MAP3K14: variants seen among roughly 807,000 people sequenced by gnomAD.
MAP3K14 encodes mitogen-activated protein kinase kinase kinase 14.
In MAP3K14, 16 loss-of-function variants were observed where a neutral mutation model predicts 99.2. The observed-to-expected ratio is 0.16, with a 90% confidence interval of 0.11 to 0.24. The LOEUF (loss-of-function observed/expected upper bound fraction) is 0.24, where lower values mean the gene tolerates loss of function less well. Among genes scored for constraint, MAP3K14 ranks in the 10% least tolerant of loss-of-function variants. The pLI, the probability that MAP3K14 is intolerant of heterozygous loss-of-function variation, is 1.00. For synonymous variants in MAP3K14, 462 were observed against 492.4 expected, an observed-to-expected ratio of 0.94 and a Z score of 0.82; for missense variants, 784 against 1,208.7, an observed-to-expected ratio of 0.65 and a Z score of 5.21.
intron 3 of MAP3K14, among the ~76,000 whole-genome samples, chr17:45,287,775 G>C (rs1008851371): frequency 2.6e-5 from 4 of 152,152 alleles, no homozygotes; most frequent in Non-Finnish European, 5.9e-5. Flanking sequence ...TTCCTAGGAG[G>C]GGGCCACGCT....
intron 15 of MAP3K14, 148 bp from the exon 16 acceptor site, chr17:45,264,948 C>G (rs573833618): frequency 2.2e-6 from 2 of 920,636 alleles, no homozygotes; most frequent in Non-Finnish European, 3.3e-6. Flanking sequence ...TCCCACCCGG[C>G]TCAAGTGTAG....
chr17:45,316,075 G>A (rs997320561), intron 1 of MAP3K14, among the ~76,000 whole-genome samples: 1 of 152,132 alleles, frequency 6.6e-6, no homozygotes, highest in Admixed American at 6.5e-5. Flanking sequence ...TGTCTCCAGC[G>A]ATCAAAAGTA....
At chr17:45,293,025 G>T (rs767709549) in intron 1 of MAP3K14, among the ~76,000 whole-genome samples, 2 of 152,202 alleles carry the variant, frequency 1.3e-5, no homozygotes, top group Non-Finnish European at 2.9e-5. Context: ...TGGTCAACAG[G>T]CTCCTGAGGG....
intron 3 of MAP3K14, 106 bp from the exon 4 acceptor site, chr17:45,287,470 G>T: frequency 1.1e-6 from 1 of 939,144 alleles, no homozygotes; most frequent in Non-Finnish European, 1.6e-6. Flanking sequence ...TCAAATCCCA[G>T]GTTGCCATTC....
intron 1 of MAP3K14, among the ~76,000 whole-genome samples, chr17:45,308,528 AGG>A (rs2044447235): frequency 6.6e-6 from 1 of 152,142 alleles, no homozygotes; most frequent in Non-Finnish European, 1.5e-5. Context: ...TTTTGAGAAG[AGG>A]ACTTGTTCTG....
intron 11 of MAP3K14, 33 bp downstream of exon 11, chr17:45,270,380 C>T: frequency 1.3e-6 from 2 of 1,598,398 alleles, no homozygotes; most frequent in Non-Finnish European, 1.7e-6. Flanking sequence ...TGTCTTCTGC[C>T]CCCCGGGTCA....
At chr17:45,282,171 A>G (rs974495471) in intron 6 of MAP3K14, 2 of 151,718 alleles carry the variant, frequency 1.3e-5, no homozygotes, top group African/African-American at 4.8e-5. Flanking sequence ...TCTTGGCCTC[A>G]AGCAATCCTC....
intron 1 of MAP3K14, among the ~76,000 whole-genome samples, chr17:45,301,181 A>G (rs1167120239): frequency 2.0e-5 from 3 of 150,540 alleles, no homozygotes; most frequent in Non-Finnish European, 4.4e-5. Flanking sequence ...AAAAAAAAAA[A>G]AGCCGGGTGC....
Position 45,267,723 on chromosome 17 carries a change from T to A in MAP3K14, c.2009A>T (p.Lys670Ile), listed in dbSNP as rs775435880. 6.2e-7 allele frequency: 1 copy of A among 1,613,164 alleles called. No individual in the cohort carries two copies. Among genetic ancestry groups the A allele is most frequent in the Non-Finnish European group, 8.5e-7 (1 of 1,179,816 alleles). Residue 670 changes from lysine to isoleucine, a missense_variant, in exon 12 of 16, where the codon AAA (lysine) becomes ATA (isoleucine). Physicochemically the swap from Lys to Ile is moderately radical, Grantham distance 102 (BLOSUM62 -3). Coordinates refer to ENST00000344686, the MANE Select transcript of MAP3K14 (RefSeq NM_003954.5). This position sits in a 1 kb window ranked among gnomAD's most constrained non-coding sequence, Gnocchi z 5.1. ...GLKSPWRGEY[K>I]EPRHPPPNQA... ...ATTTGGCGGTGGATGTCTTGGTTCTTTATATTCTCCCCTCCAAGGGCTCTT... is the reference window on the plus strand; with the variant it reads ...ATTTGGCGGTGGATGTCTTGGTTCTATATATTCTCCCCTCCAAGGGCTCTT...
At chr17:45,298,212 A>G (rs2044360552) in intron 1 of MAP3K14, among the ~76,000 whole-genome samples, 1 of 152,252 alleles carries the variant, frequency 6.6e-6, no homozygotes, top group African/African-American at 2.4e-5. Context: ...CTAAAATAAT[A>G]GAAATACAAT....
intron 6 of MAP3K14, among the ~76,000 whole-genome samples, chr17:45,275,921 C>T (rs1567990559): frequency 1.3e-5 from 2 of 151,754 alleles, no homozygotes; most frequent in Admixed American, 1.3e-4. Context: ...GCCACCAGGC[C>T]CAGATAATTT....
intron 1 of MAP3K14, among the ~76,000 whole-genome samples, chr17:45,296,033 T>C (rs1291723782): frequency 2.0e-5 from 3 of 152,198 alleles, no homozygotes; most frequent in Admixed American, 2.0e-4. Flanking sequence ...CCAAGGCAAA[T>C]CCCTCTCATG....
chr17:45,305,078 T>A (rs1302678912), intron 1 of MAP3K14, among the ~76,000 whole-genome samples: 1 of 152,076 alleles, frequency 6.6e-6, no homozygotes, highest in East Asian at 1.9e-4. Flanking sequence ...GTGTAAGATT[T>A]TTTTTGGTTT....
chr17:45,316,797 TG>T (rs1016212819), intron 1 of MAP3K14, among the ~76,000 whole-genome samples, 162 bp downstream of exon 1: 4 of 151,428 alleles, frequency 2.6e-5, no homozygotes, highest in Non-Finnish European at 5.9e-5. Context: ...CCGCTGCGAG[TG>T]GGTTGGACGG....
At chr17:45,283,195 C>A (rs1023522499) in intron 6 of MAP3K14, among the ~76,000 whole-genome samples, 3 of 152,180 alleles carry the variant, frequency 2.0e-5, no homozygotes, top group African/African-American at 7.2e-5. Flanking sequence ...GCACTGGGTG[C>A]GCGTCTCTTC....
At chr17:45,282,420 T>C (rs1173495019) in intron 6 of MAP3K14, among the ~76,000 whole-genome samples, 3 of 150,870 alleles carry the variant, frequency 2.0e-5, no homozygotes, top group African/African-American at 7.3e-5. Flanking sequence ...CTGGGTGTGG[T>C]GGTGCGTGCC....
Position 45,290,635 on chromosome 17 carries a change from GCT to G in MAP3K14, c.109_110del (p.Ser37LeufsTer6). ...EKTPPLGKKQ[S>X]SVYKLEAVEK... is the part of the protein sequence containing the mutation. Reference sequence around the variant, plus strand: ...CCACGGCCTCAAGCTTGTAGACGGAGCTCTGTTTCTTCCCCAGTGGCGGCGTC... The same window carrying G: ...CCACGGCCTCAAGCTTGTAGACGGAGCTGTTTCTTCCCCAGTGGCGGCGTC... On this transcript the variant is annotated frameshift_variant, in exon 2 of 16. Transcript: ENST00000344686. LOFTEE classifies it high-confidence loss of function. 1 of 1,613,664 alleles carries G rather than the reference GCT, an allele frequency of 6.2e-7. No homozygotes were observed. The highest frequency in any genetic ancestry group is 8.5e-7 in the Non-Finnish European group (1 of 1,179,836).
At position 45,272,783 on chromosome 17, in the gene MAP3K14, T is replaced by A. The variant is rs1468603219; in HGVS notation, c.1657+720A>T. Among the ~76,000 whole-genome samples, 2 of 151,958 alleles carry A rather than the reference T, an allele frequency of 1.3e-5. No individual in the cohort carries two copies. The highest frequency in any genetic ancestry group is 2.9e-5 in the Non-Finnish European group (2 of 67,972). ...GGCAAAACCCCGTCCCTACTAAAAA[T>A]ACAAAAATTAGCTGGGCATGGTGGA... On this transcript the variant is annotated intron_variant, in intron 9 of 15. Coordinates refer to ENST00000344686, the MANE Select transcript of MAP3K14 (RefSeq NM_003954.5). This position sits in a 1 kb window ranked among gnomAD's most constrained non-coding sequence, Gnocchi z 4.1.
intron 1 of MAP3K14, among the ~76,000 whole-genome samples, chr17:45,294,404 G>C (rs1488804686): frequency 6.6e-6 from 1 of 152,232 alleles, no homozygotes. Context: ...GGGCATAGCT[G>C]TATGAGGAGT....
Sources: allele counts gnomAD v4.1 joint callset (sites outside exome capture counted in the v4.1 genomes callset), GRCh38; gene constraint gnomAD v4.1.1; non-coding constraint Gnocchi (gnomAD v3.1); transcripts MANE v1.5; gene names NCBI Gene and HGNC (gene_info 2026-07-23, HGNC 2026-07-21).